PUM2: variants seen among roughly 807,000 people sequenced by gnomAD.
The protein encoded by PUM2 is pumilio homolog 2.
PUM2 carries 57 observed loss-of-function variants against 124.5 expected under a neutral mutation model. The observed-to-expected ratio is 0.46, with a 90% confidence interval of 0.37 to 0.57. The LOEUF (loss-of-function observed/expected upper bound fraction) is 0.57, where lower values mean the gene tolerates loss of function less well. Among genes scored for constraint, PUM2 ranks in the 20% least tolerant of loss-of-function variants. The probability of loss-of-function intolerance (pLI) is 0.00; values close to 1 mark genes in which losing one functional copy is unlikely to be tolerated. For missense variants in PUM2, 1,065 were observed against 1,290.6 expected (o/e 0.83, Z 2.68); for synonymous variants, 460 against 446.1 (o/e 1.03, Z -0.39).
At chr2:20,283,613 G>C (rs1672066032) in intron 10 of PUM2, 127 bp from the exon 11 acceptor site, 1 of 910,606 alleles carries the variant, frequency 1.1e-6, no homozygotes, top group Admixed American at 2.9e-5. Flanking sequence ...AAAATCCTTA[G>C]TTAATATATG....
At chr2:20,315,457 G>C (rs189221896) in intron 3 of PUM2, among the ~76,000 whole-genome samples, 3 of 152,232 alleles carry the variant, frequency 2.0e-5, no homozygotes, top group Admixed American at 6.5e-5. Flanking sequence ...ATAAATGTTT[G>C]TTAGGTAAAC....
At position 20,257,431 on chromosome 2, in the gene PUM2, T is replaced by C. The variant is rs138453625; in HGVS notation, c.2484+812A>G. On this transcript the variant is annotated intron_variant, in intron 16 of 20. Transcript: ENST00000361078. ...ATCTCTTTCCAAACTTAAACTACCA[T>C]TACCTTTTAAGAAATAATTATTTCC... 3.0e-4 allele frequency among the ~76,000 whole-genome samples: 45 copies of C among 152,302 alleles called. 1 individual carries two copies. The East Asian group carries it at 6.4e-3, about 22-fold the overall frequency.
At chr2:20,268,840 A>C (rs1019275255) in intron 13 of PUM2, among the ~76,000 whole-genome samples, 5 of 152,142 alleles carry the variant, frequency 3.3e-5, no homozygotes, top group African/African-American at 1.2e-4. Context: ...TATTGCATGT[A>C]AAGTATAAAT....
At position 20,250,774 on chromosome 2, in the gene PUM2, T is replaced by C. The variant is rs1401353311; in HGVS notation, c.*811A>G. The C allele has an allele frequency of 6.6e-6, 1 of 152,610 alleles. No homozygotes were observed. Among genetic ancestry groups the C allele is most frequent in the Non-Finnish European group, 1.5e-5 (1 of 68,000 alleles). The allele number at this position is 152,610 out of a possible 1,614,324, so 9.5% of individuals were successfully genotyped here. A position where few individuals can be genotyped will look rare whatever the true frequency, so the allele number is the denominator to read the frequency against. On this transcript the variant is annotated 3_prime_UTR_variant, in exon 21 of 21. Coordinates refer to ENST00000361078, the MANE Select transcript of PUM2 (RefSeq NM_015317.5). ...CAAAACAAAATACAAATTTCCACTC[T>C]TTCTCATTGCAAACCAAACTGAAAA...
At position 20,284,130 on chromosome 2, in the gene PUM2, C is replaced by T. The variant is rs545458098; in HGVS notation, c.1292-644G>A. ...GAGATTCTCTGTTGAACCAAAAACA[C>T]AGAAAATGATTTAAGTAAGTATTTT... is the stretch of plus-strand genomic sequence containing the variant. On this transcript the variant is annotated intron_variant, in intron 10 of 20. Coordinates refer to ENST00000361078, the MANE Select transcript of PUM2 (RefSeq NM_015317.5). 1.6e-3 allele frequency among the ~76,000 whole-genome samples: 250 copies of T among 152,248 alleles called. 2 individuals are homozygous for T. Among genetic ancestry groups the T allele is most frequent in the African/African-American group, 5.9e-3 (244 of 41,558 alleles).
At chr2:20,295,957 C>A (rs1453255400) in intron 8 of PUM2, among the ~76,000 whole-genome samples, 1 of 152,126 alleles carries the variant, frequency 6.6e-6, no homozygotes, top group East Asian at 1.9e-4. Flanking sequence ...AATGCTTATA[C>A]ACAAACTAAA....
chr2:20,337,058 T>C (rs1398064457), intron 1 of PUM2, among the ~76,000 whole-genome samples: 1 of 152,034 alleles, frequency 6.6e-6, no homozygotes, highest in Non-Finnish European at 1.5e-5. Context: ...ACACTAAGCT[T>C]CAATTTGTCT....
intron 8 of PUM2, 44 bp from the exon 9 acceptor site, chr2:20,294,562 T>G: frequency 6.4e-7 from 1 of 1,551,958 alleles, no homozygotes; most frequent in Non-Finnish European, 8.7e-7. Context: ...TACTAGATTT[T>G]ACATAGACAT....
At chr2:20,302,284 T>C (rs1383777180) in intron 7 of PUM2, among the ~76,000 whole-genome samples, 1 of 152,210 alleles carries the variant, frequency 6.6e-6, no homozygotes, top group Admixed American at 6.5e-5. Context: ...CCAGTTTACA[T>C]TCCAAAAGTA....
chr2:20,259,653 C>T (rs1665693669), intron 15 of PUM2, among the ~76,000 whole-genome samples: 1 of 152,178 alleles, frequency 6.6e-6, no homozygotes, highest in African/African-American at 2.4e-5. Flanking sequence ...ATAATGTATA[C>T]ATATACCACT....
At chr2:20,342,155 G>A (rs1030011563) in intron 1 of PUM2, among the ~76,000 whole-genome samples, 6 of 149,530 alleles carry the variant, frequency 4.0e-5, no homozygotes, top group Admixed American at 2.7e-4. Context: ...GAAAGAAAAA[G>A]AAATGTTAAC....
chr2:20,350,587 A>T lies in PUM2; in HGVS notation c.-19+10T>A, dbSNP rs1689161117. 1.0e-6 allele frequency: 1 copy of T among 985,310 alleles called. No homozygotes were observed. Among genetic ancestry groups the T allele is most frequent in the African/African-American group, 1.7e-5 (1 of 57,226 alleles). The allele number at this position is 985,310 out of a possible 1,614,324, so 61.0% of individuals were successfully genotyped here. On this transcript the variant is annotated intron_variant, in intron 1 of 20. Transcript: ENST00000361078. ...AGGACCGGAGAAAGAGCGAACGCGG[A>T]CTGACTTACAGGGCTGCTGCGGCCG...
chr2:20,326,046 T>A (rs1256760722), intron 2 of PUM2, among the ~76,000 whole-genome samples: 1 of 152,222 alleles, frequency 6.6e-6, no homozygotes, highest in African/African-American at 2.4e-5. Flanking sequence ...AGAAAAGTAG[T>A]GGCCAGGAAA....
At chr2:20,269,914 A>T (rs1421398476) in intron 13 of PUM2, among the ~76,000 whole-genome samples, 1 of 152,204 alleles carries the variant, frequency 6.6e-6, no homozygotes. Context: ...AAACAGACTA[A>T]GTAATAACAT....
intron 11 of PUM2, 26 bp downstream of exon 11, chr2:20,283,317 A>C (rs1231651949): frequency 3.7e-6 from 6 of 1,612,028 alleles, no homozygotes; most frequent in Non-Finnish European, 5.1e-6. Context: ...GAAAAATATT[A>C]TCCTAAAAAT....
chr2:20,338,322 A>G (rs914755154), intron 1 of PUM2, among the ~76,000 whole-genome samples: 2 of 152,112 alleles, frequency 1.3e-5, no homozygotes, highest in East Asian at 3.8e-4. Context: ...GCTTGAACCC[A>G]GGAGGCGGAG....
chr2:20,276,642 T>C (rs1451411726), intron 13 of PUM2, among the ~76,000 whole-genome samples: 2 of 152,064 alleles, frequency 1.3e-5, no homozygotes, highest in African/African-American at 4.8e-5. Flanking sequence ...TCATGATCCA[T>C]TCATAGGGAA....
chr2:20,348,415 T>C (rs1292492361), intron 1 of PUM2, among the ~76,000 whole-genome samples: 1 of 152,152 alleles, frequency 6.6e-6, no homozygotes, highest in East Asian at 1.9e-4. Flanking sequence ...CAACAAGGTA[T>C]TTAAGTTAGG....
At chr2:20,254,689 T>A (rs546377137) in intron 19 of PUM2, among the ~76,000 whole-genome samples, 174 bp downstream of exon 19, 1 of 152,154 alleles carries the variant, frequency 6.6e-6, no homozygotes, top group Non-Finnish European at 1.5e-5. Context: ...CAAAACAAAT[T>A]TGTTATGTAG....
Sources: allele counts gnomAD v4.1 joint callset (sites outside exome capture counted in the v4.1 genomes callset), GRCh38; gene constraint gnomAD v4.1.1; transcripts MANE v1.5; gene names NCBI Gene and HGNC (gene_info 2026-07-23, HGNC 2026-07-21).